Variants in GPR15LG observed in about 807,000 individuals in gnomAD.
The protein encoded by GPR15LG is protein GPR15LG.
the GPR15LG span, among the ~76,000 whole-genome samples, chr10:84,181,186 G>GGAGGGAGAGGGAGAGGGA: frequency 3.9e-4 from 47 of 120,928 alleles, 2 homozygotes; most frequent in African/African-American, 1.6e-3. Flanking sequence ...CGTGCAAAGA[G>GGAGGGAGAGGGAGAGGGA]GAGGGAGAGG....
the GPR15LG span, among the ~76,000 whole-genome samples, chr10:84,178,056 A>G: frequency 6.6e-6 from 1 of 151,736 alleles, no homozygotes; most frequent in Non-Finnish European, 1.5e-5. Context: ...CACACCACAC[A>G]CTACAGACAC....
At chr10:84,178,517 C>T in the GPR15LG span, among the ~76,000 whole-genome samples, 3 of 151,906 alleles carry the variant, frequency 2.0e-5, no homozygotes, top group African/African-American at 7.3e-5. Context: ...TACATGCACA[C>T]ACAGACACAC....
chr10:84,175,631 A>T, the GPR15LG span, among the ~76,000 whole-genome samples: 1 of 152,142 alleles, frequency 6.6e-6, no homozygotes, highest in Admixed American at 6.5e-5. Context: ...CAGGTTTTCC[A>T]GTAGCTGGGA....
the GPR15LG span, among the ~76,000 whole-genome samples, chr10:84,183,468 G>T: frequency 1.3e-5 from 2 of 151,912 alleles, no homozygotes; most frequent in Admixed American, 1.3e-4. Flanking sequence ...TTTGTTTTTC[G>T]TACAAACGTG....
chr10:84,182,106 G>T, the GPR15LG span, among the ~76,000 whole-genome samples: 1 of 152,214 alleles, frequency 6.6e-6, no homozygotes, highest in Non-Finnish European at 1.5e-5. Flanking sequence ...CCATAGGGTT[G>T]TCTCTGCCTT....
At chr10:84,181,134 G>A in the GPR15LG span, among the ~76,000 whole-genome samples, 6 of 148,462 alleles carry the variant, frequency 4.0e-5, no homozygotes, top group Middle Eastern at 3.4e-3. Flanking sequence ...CGTGCAAAGA[G>A]GAGGGAGAGG....
chr10:84,181,930 A>G, the GPR15LG span, among the ~76,000 whole-genome samples: 1 of 152,148 alleles, frequency 6.6e-6, no homozygotes, highest in Non-Finnish European at 1.5e-5. Flanking sequence ...GCCACGGTGA[A>G]GCTATTTGGG....
the GPR15LG span, among the ~76,000 whole-genome samples, chr10:84,178,583 C>T: frequency 6.6e-6 from 1 of 151,874 alleles, no homozygotes; most frequent in Non-Finnish European, 1.5e-5. Context: ...ACACACACTA[C>T]ACAACTACAC....
At chr10:84,180,015 G>A in the GPR15LG span, among the ~76,000 whole-genome samples, 16 of 152,302 alleles carry the variant, frequency 1.1e-4, no homozygotes, top group African/African-American at 3.1e-4. Context: ...TTCCTAGGCA[G>A]AGGGCCTTGC....
At chr10:84,179,795 G>T in the GPR15LG span, among the ~76,000 whole-genome samples, 98,355 of 151,808 alleles carry the variant, frequency 0.65, 33,557 homozygotes, top group African/African-American at 0.85. Flanking sequence ...TGGGTCAATG[G>T]GACAAAAACA....
the GPR15LG span, among the ~76,000 whole-genome samples, chr10:84,181,814 C>A: frequency 3.3e-5 from 5 of 152,254 alleles, no homozygotes; most frequent in African/African-American, 1.2e-4. Context: ...AGGGGCTGCC[C>A]AGGCTTAAGC....
chr10:84,179,596 T>C, the GPR15LG span, among the ~76,000 whole-genome samples: 1 of 152,220 alleles, frequency 6.6e-6, no homozygotes, highest in Non-Finnish European at 1.5e-5. Flanking sequence ...CCCGTGCATC[T>C]GTCTGTAGAA....
the GPR15LG span, chr10:84,184,707 T>C: frequency 1.9e-6 from 3 of 1,614,048 alleles, no homozygotes; most frequent in Admixed American, 1.7e-5. Flanking sequence ...CTGTAAACCA[T>C]GCAAGCTTGA....
chr10:84,183,368 C>T, the GPR15LG span, among the ~76,000 whole-genome samples: 1 of 152,190 alleles, frequency 6.6e-6, no homozygotes, highest in Non-Finnish European at 1.5e-5. Flanking sequence ...TACCACACCA[C>T]ATTTCATATA....
the GPR15LG span, among the ~76,000 whole-genome samples, chr10:84,175,369 T>A: frequency 4.9e-3 from 743 of 152,342 alleles, 5 homozygotes; most frequent in Middle Eastern, 0.027. Context: ...CCCCATAAAG[T>A]TTCCTATCCA....
At chr10:84,176,365 G>T in the GPR15LG span, 18 of 772,204 alleles carry the variant, frequency 2.3e-5, no homozygotes, top group Admixed American at 1.9e-4. Flanking sequence ...TCGTAGCCTG[G>T]CTCATCCTGA....
the GPR15LG span, among the ~76,000 whole-genome samples, chr10:84,175,628 T>C: frequency 6.6e-6 from 1 of 152,194 alleles, no homozygotes; most frequent in African/African-American, 2.4e-5. Context: ...CCTCAGGTTT[T>C]CCAGTAGCTG....
the GPR15LG span, among the ~76,000 whole-genome samples, chr10:84,175,253 T>C: frequency 6.6e-6 from 1 of 152,162 alleles, no homozygotes; most frequent in Non-Finnish European, 1.5e-5. Context: ...TTAGAATTCC[T>C]CATAAACACA....
chr10:84,173,978 T>A, the GPR15LG span: 1 of 1,348,610 alleles, frequency 7.4e-7, no homozygotes, highest in Non-Finnish European at 1.1e-6. Context: ...CTGGGAAGAC[T>A]CTGATCAGGA....
Sources: allele counts gnomAD v4.1 joint callset (sites outside exome capture counted in the v4.1 genomes callset), GRCh38; gene constraint gnomAD v4.1.1; transcripts MANE v1.5; gene names NCBI Gene and HGNC (gene_info 2026-07-23, HGNC 2026-07-21).